The following GYG2 variants were observed in gnomAD, a reference collection of about 807,000 sequenced individuals.
GYG2 encodes glycogenin 2.
Under a neutral mutation model 29.4 loss-of-function variants are expected in GYG2, and 29 were observed. The ratio of observed to expected loss-of-function variants is 0.99; its 90% CI spans 0.74 to 1.35. GYG2 has a LOEUF of 1.35. Among genes scored for constraint, GYG2 ranks in the 40% most tolerant of loss-of-function variants. The pLI is 0.00. For missense variants in GYG2, 370 were observed against 385.7 expected, an observed-to-expected ratio of 0.96 and a Z score of 0.34; for synonymous variants, 167 against 172.3, an observed-to-expected ratio of 0.97 and a Z score of 0.24.
chrX:2,844,182 A>G (rs2087570140), intron 3 of GYG2, among the ~76,000 whole-genome samples: 1 of 112,208 alleles, frequency 8.9e-6, no homozygotes, highest in Non-Finnish European at 1.9e-5. Context: ...TGAATGTCAT[A>G]TTCTTTGACA....
At chrX:2,871,251 C>T (rs1377243930) in intron 8 of GYG2, among the ~76,000 whole-genome samples, 2 of 110,103 alleles carry the variant, frequency 1.8e-5, no homozygotes, top group African/African-American at 6.6e-5. Flanking sequence ...GGCAACTCTA[C>T]TCAGTTTCTC....
chrX:2,861,449 C>T (rs1417547255), intron 7 of GYG2, 73 bp from the exon 8 acceptor site: 3 of 851,684 alleles, frequency 3.5e-6, no homozygotes, highest in Non-Finnish European at 5.2e-6. Flanking sequence ...CAGGGCCCCA[C>T]CCGCCCCCCA....
rs774001122 is a variant in GYG2, at chrX:2,859,847, G to A, written c.619G>A (p.Gly207Ser). Residue 207 changes from glycine to serine, a missense_variant, in exon 7 of 11, where the codon GGT (glycine) becomes AGT (serine). Transcript: ENST00000398806. ...TCCCTTCTGTTTCCTTCTCAGATTC[G>A]GTTCCAGTGCAAAGGTCGTCCACTT... is the stretch of plus-strand genomic sequence containing the variant. ...YTYSPAFKQF[G>S]SSAKVVHFLG... The A allele has an allele frequency of 8.6e-6, 10 of 1,168,965 alleles. No individual in the cohort carries two copies. Among genetic ancestry groups the A allele is most frequent in the Middle Eastern group, 2.3e-4 (1 of 4,256 alleles).
intron 3 of GYG2, among the ~76,000 whole-genome samples, chrX:2,849,374 G>A (rs1462879245): frequency 9.0e-6 from 1 of 111,353 alleles, no homozygotes; most frequent in Non-Finnish European, 1.9e-5. Context: ...AATAAATGTC[G>A]AGTCCAAGAG....
At chrX:2,866,388 G>T (rs774752505) in intron 8 of GYG2, among the ~76,000 whole-genome samples, 3 of 111,068 alleles carry the variant, frequency 2.7e-5, no homozygotes, top group Non-Finnish European at 5.7e-5. Flanking sequence ...CCAGCTACTC[G>T]CAAGGCTGAG....
intron 10 of GYG2, 49 bp from the exon 11 acceptor site, chrX:2,881,003 C>T (rs780452237): frequency 1.7e-6 from 2 of 1,157,996 alleles, no homozygotes; most frequent in Admixed American, 2.2e-5. Context: ...GTCTTTCCCT[C>T]GATAATGGAC....
In GYG2 at chrX:2,858,327, G is replaced by A. The variant is rs1603459489; in HGVS notation, c.615-1516G>A. On this transcript the variant is annotated intron_variant, in intron 6 of 10. Transcript: ENST00000398806. ...AAATAAAACAAAACATTAGCCGAAT[G>A]TGGTGTCGCACACCGCTAGTCTCAG... Among the ~76,000 whole-genome samples, 3 of 110,954 alleles carry A rather than the reference G, an allele frequency of 2.7e-5. No homozygotes were observed. The South Asian group carries it at 1.2e-3, about 43-fold the overall frequency.
At chrX:2,879,275 T>C (rs1406908854) in intron 10 of GYG2, among the ~76,000 whole-genome samples, 6 of 105,309 alleles carry the variant, frequency 5.7e-5, no homozygotes, top group Non-Finnish European at 9.8e-5. Flanking sequence ...ATTTTCTTTT[T>C]TTTTTTTTTT....
At chrX:2,845,059 G>GTGTATGTATATATATATACACA (rs1569057324) in intron 3 of GYG2, among the ~76,000 whole-genome samples, 1 of 50,841 alleles carries the variant, frequency 2.0e-5, no homozygotes, top group African/African-American at 9.8e-5. Flanking sequence ...ATATATACAC[G>GTGTATGTATATATATATACACA]TGTGTATGTA....
intron 1 of GYG2, chrX:2,829,373 G>A (rs2087204712): frequency 9.1e-6 from 1 of 110,011 alleles, no homozygotes; most frequent in Non-Finnish European, 1.8e-5. Flanking sequence ...GACAGACGGG[G>A]CGCGGGCGTA....
chrX:2,836,277 G>A (rs1187488632), intron 2 of GYG2, among the ~76,000 whole-genome samples: 1 of 111,179 alleles, frequency 9.0e-6, no homozygotes, highest in African/African-American at 3.3e-5. Context: ...AAGGACCGAG[G>A]AGACAGATAA....
rs188129545 is a variant in GYG2 at position 2,868,096 on chromosome X, A to C, written c.1038+6374A>C. On this transcript the variant is annotated intron_variant, in intron 8 of 10. Transcript: ENST00000398806. Reference sequence around the variant, plus strand: ...GGGTGACAGAGCAAAACTCAGTCCCAAAAAAAGAAAAAGAAATAGAAATAT... The same window carrying C: ...GGGTGACAGAGCAAAACTCAGTCCCCAAAAAAGAAAAAGAAATAGAAATAT... Among the ~76,000 whole-genome samples, 821 of 111,310 alleles carry C rather than the reference A, an allele frequency of 7.4e-3. 11 individuals carry two copies. The highest frequency in any genetic ancestry group is 0.025 in the African/African-American group (769 of 30,635).
At chrX:2,875,999 A>C in intron 9 of GYG2, 85 bp downstream of exon 9, 1 of 367,678 alleles carries the variant, frequency 2.7e-6, no homozygotes. Flanking sequence ...ATTACATACC[A>C]GTGGGGGCGC....
intron 8 of GYG2, among the ~76,000 whole-genome samples, chrX:2,866,475 G>C (rs1182340541): frequency 4.5e-5 from 5 of 111,567 alleles, no homozygotes; most frequent in African/African-American, 1.6e-4. Flanking sequence ...AGCCTGGGCA[G>C]CAGAACAAGA....
At chrX:2,872,721 T>G (rs73435424) in intron 8 of GYG2, among the ~76,000 whole-genome samples, 1 of 111,444 alleles carries the variant, frequency 9.0e-6, no homozygotes, top group East Asian at 2.8e-4. Flanking sequence ...CCCTAATCCA[T>G]TTCCAGGAAT....
Position 2,880,333 on chromosome X carries a change from G to T in GYG2, c.1252-719G>T, listed in dbSNP as rs773250541. Among the ~76,000 whole-genome samples the T allele has an allele frequency of 1.2e-4, 13 of 110,112 alleles. 1 individual carries two copies. Among genetic ancestry groups the T allele is most frequent in the East Asian group, 5.7e-4 (2 of 3,488 alleles). On this transcript the variant is annotated intron_variant, in intron 10 of 10. Transcript: ENST00000398806. ...TTCTTATAGGCTTTACTTACAGGAGGTGAGTTGTTTTTTCATTTAACGTAG... is the reference window on the plus strand; with the variant it reads ...TTCTTATAGGCTTTACTTACAGGAGTTGAGTTGTTTTTTCATTTAACGTAG...
At chrX:2,859,041 A>G (rs1271172776) in intron 6 of GYG2, among the ~76,000 whole-genome samples, 1 of 111,681 alleles carries the variant, frequency 9.0e-6, no homozygotes, top group Non-Finnish European at 1.9e-5. Context: ...ATGGATTACG[A>G]TTATGTTTTT....
intron 8 of GYG2, among the ~76,000 whole-genome samples, chrX:2,868,029 G>A (rs1382460601): frequency 4.5e-5 from 5 of 111,020 alleles, no homozygotes; most frequent in African/African-American, 1.6e-4. Flanking sequence ...CTGGGAGGCG[G>A]AGGTTGCAGT....
intron 3 of GYG2, among the ~76,000 whole-genome samples, chrX:2,846,036 C>CACATATATATATATATATATATAT (rs1199380183): frequency 9.1e-5 from 3 of 33,055 alleles, no homozygotes; most frequent in African/African-American, 1.1e-4. Context: ...TATATATACA[C>CACATATATATATATATATATATAT]ATATATATAT....
Sources: allele counts gnomAD v4.1 joint callset (sites outside exome capture counted in the v4.1 genomes callset), GRCh38; gene constraint gnomAD v4.1.1; transcripts MANE v1.5; gene names NCBI Gene and HGNC (gene_info 2026-07-23, HGNC 2026-07-21).